The following CPED1 variants were observed in gnomAD, a reference collection of about 807,000 sequenced individuals.
The protein encoded by CPED1 is cadherin like and PC-esterase domain containing 1, also known as cadherin-like and PC-esterase domain-containing protein 1.
In CPED1, 114 loss-of-function variants were observed where a neutral mutation model predicts 128.2. The observed-to-expected ratio is 0.89, with a 90% CI of 0.76 to 1.04. CPED1 has a LOEUF of 1.04. Among genes scored for constraint, CPED1 ranks in the 50% least tolerant of loss-of-function variants. CPED1 has a pLI of 0.00. For missense variants in CPED1, 1,211 were observed against 1,207.1 expected, an observed-to-expected ratio of 1.00 and a Z score of -0.05; for synonymous variants, 462 against 426.7, an observed-to-expected ratio of 1.08 and a Z score of -1.02.
chr7:121,280,752 A>G (rs1230334674), intron 22 of CPED1, among the ~76,000 whole-genome samples: 1 of 152,102 alleles, frequency 6.6e-6, no homozygotes, highest in East Asian at 1.9e-4. Context: ...TGAAATTATG[A>G]GTTATAAGGA....
In CPED1 at chr7:121,296,127, T is replaced by C. The variant is rs1194429252; in HGVS notation, c.*475T>C. The C allele has an allele frequency of 6.5e-6, 1 of 153,508 alleles. No homozygotes were observed. Among genetic ancestry groups the C allele is most frequent in the Non-Finnish European group, 1.5e-5 (1 of 68,694 alleles). 9.5% of individuals were successfully genotyped at this position (153,508 alleles called of 1,614,324 possible). A position where few individuals can be genotyped will look rare whatever the true frequency, so the allele number is the denominator to read the frequency against. On this transcript the variant is annotated 3_prime_UTR_variant, in exon 23 of 23. Transcript: ENST00000310396. ...TTCTTTACCAGGAGAAAATGTGATG[T>C]TTATGATGGCTTAGGCTTTGTGAAT...
At chr7:121,043,638 C>G (rs1235818696) in intron 3 of CPED1, among the ~76,000 whole-genome samples, 1 of 151,936 alleles carries the variant, frequency 6.6e-6, no homozygotes, top group Non-Finnish European at 1.5e-5. Context: ...GAGACAGAGC[C>G]CAAGCAGAGT....
intron 18 of CPED1, among the ~76,000 whole-genome samples, chr7:121,260,397 A>G (rs1791989084): frequency 6.6e-6 from 1 of 151,922 alleles, no homozygotes; most frequent in African/African-American, 2.4e-5. Context: ...CACATTTCAC[A>G]GAGGGATGCT....
chr7:121,261,730 A>C, intron 18 of CPED1: 1 of 1,594,588 alleles, frequency 6.3e-7, no homozygotes, highest in Admixed American at 1.8e-5. Flanking sequence ...ACCCCTGCAC[A>C]TAAACCTGAC....
chr7:121,065,775 C>T (rs1473351444), intron 5 of CPED1, among the ~76,000 whole-genome samples: 1 of 151,884 alleles, frequency 6.6e-6, no homozygotes, highest in Non-Finnish European at 1.5e-5. Context: ...TCGAGAACAT[C>T]TAAGTTCTAG....
At chr7:121,002,621 G>A (rs565026594) in intron 2 of CPED1, among the ~76,000 whole-genome samples, 1 of 152,176 alleles carries the variant, frequency 6.6e-6, no homozygotes, top group South Asian at 2.1e-4. Flanking sequence ...TTCTTGTGGG[G>A]GAGTATATGA....
intron 16 of CPED1, among the ~76,000 whole-genome samples, chr7:121,201,516 AAG>A (rs1454734024): frequency 6.6e-6 from 1 of 151,264 alleles, no homozygotes; most frequent in South Asian, 2.1e-4. Flanking sequence ...AAGAAAGAGA[AAG>A]AGAGGAAAGG....
At chr7:121,146,988 C>G (rs1037972468) in intron 16 of CPED1, among the ~76,000 whole-genome samples, 1 of 152,064 alleles carries the variant, frequency 6.6e-6, no homozygotes, top group African/African-American at 2.4e-5. Context: ...GCACTCTTGG[C>G]CTCTATCCAC....
chr7:121,255,069 A>G (rs1054474475), intron 18 of CPED1, among the ~76,000 whole-genome samples: 1 of 152,130 alleles, frequency 6.6e-6, no homozygotes, highest in African/African-American at 2.4e-5. Flanking sequence ...TGAAGTTAGC[A>G]TCAGCCTGAT....
chr7:121,170,528 A>T (rs1187248445), intron 16 of CPED1, among the ~76,000 whole-genome samples: 1 of 152,210 alleles, frequency 6.6e-6, no homozygotes, highest in Non-Finnish European at 1.5e-5. Flanking sequence ...GGCCTGATGA[A>T]TAATAAGTAC....
At chr7:121,142,869 CAG>C (rs1483458644) in intron 16 of CPED1, among the ~76,000 whole-genome samples, 4 of 151,936 alleles carry the variant, frequency 2.6e-5, no homozygotes, top group Non-Finnish European at 5.9e-5. Context: ...TTAATTCACT[CAG>C]AAAGTATACT....
intron 18 of CPED1, among the ~76,000 whole-genome samples, chr7:121,259,309 C>T (rs1279464818): frequency 1.3e-5 from 2 of 151,982 alleles, no homozygotes; most frequent in African/African-American, 4.8e-5. Context: ...AGTCATTTGT[C>T]TTCATTGCAG....
chr7:121,246,103 G>GCTCAGAATACCATTCTGAC (rs1798524870), intron 18 of CPED1, among the ~76,000 whole-genome samples: 1 of 152,136 alleles, frequency 6.6e-6, no homozygotes, highest in African/African-American at 2.4e-5. Context: ...ACTTCTCTAA[G>GCTCAGAATACCATTCTGAC]CTCAGAATAC....
chr7:121,084,190 C>A (rs979073692), intron 5 of CPED1, among the ~76,000 whole-genome samples: 1 of 152,150 alleles, frequency 6.6e-6, no homozygotes, highest in African/African-American at 2.4e-5. Flanking sequence ...TAAAGCAATT[C>A]TCTCACTCCT....
Position 121,295,495 on chromosome 7 carries a change from G to T in CPED1, c.2924G>T (p.Arg975Ile). Residue 975 changes from arginine to isoleucine, a missense_variant, in exon 23 of 23, where the codon AGA becomes ATA. Transcript: ENST00000310396. ...AACTTTATTAAAATGAAAAGATCAA[G>T]AAATCATATCATGGGAAGATATTTC... is the stretch of plus-strand genomic sequence containing the variant. ...EYNFIKMKRSRNHIMGRYFSN... is the reference protein window; with the variant it reads ...EYNFIKMKRSINHIMGRYFSN... 2 of 1,613,810 alleles carry T rather than the reference G, an allele frequency of 1.2e-6. No individual in the cohort carries two copies. The highest frequency in any genetic ancestry group is 1.7e-6 in the Non-Finnish European group (2 of 1,179,814).
At chr7:121,213,097 A>G (rs1227460293) in intron 16 of CPED1, among the ~76,000 whole-genome samples, 1 of 152,014 alleles carries the variant, frequency 6.6e-6, no homozygotes. Flanking sequence ...TAGCCATGAC[A>G]AAAGAGTCTT....
At chr7:121,107,016 G>A (rs1261072623) in intron 7 of CPED1, among the ~76,000 whole-genome samples, 3 of 152,020 alleles carry the variant, frequency 2.0e-5, no homozygotes, top group Non-Finnish European at 4.4e-5. Context: ...TAATTTTTTA[G>A]TTTCTTATTA....
At chr7:121,206,290 A>G (rs1258400625) in intron 16 of CPED1, among the ~76,000 whole-genome samples, 1 of 152,170 alleles carries the variant, frequency 6.6e-6, no homozygotes, top group Admixed American at 6.5e-5. Context: ...GCAAGCATTA[A>G]CTAGGCCAAA....
In CPED1 at chr7:121,277,768, G is replaced by T. The variant is rs138023191; in HGVS notation, c.2868+6338G>T. ...AACTTCCAAAAAGAAAAGAAAATAC[G>T]TCATCCAGAGAAAGTGAGTAGAGTG... On this transcript the variant is annotated intron_variant, in intron 22 of 22. Coordinates refer to ENST00000310396, the MANE Select transcript of CPED1 (RefSeq NM_024913.5). 2.4e-3 allele frequency among the ~76,000 whole-genome samples: 370 copies of T among 152,186 alleles called. 2 individuals are homozygous for T. Among genetic ancestry groups the T allele is most frequent in the African/African-American group, 7.8e-3 (322 of 41,524 alleles).
Sources: allele counts gnomAD v4.1 joint callset (sites outside exome capture counted in the v4.1 genomes callset), GRCh38; gene constraint gnomAD v4.1.1; transcripts MANE v1.5; gene names NCBI Gene and HGNC (gene_info 2026-07-23, HGNC 2026-07-21).